Variants in GUCY2C observed in about 807,000 individuals in gnomAD.
The protein encoded by GUCY2C is guanylyl cyclase C.
A neutral mutation model predicts 131.1 loss-of-function variants in GUCY2C; 118 were observed. That is an observed-to-expected ratio of 0.90 (90% CI 0.78 to 1.05). The LOEUF (loss-of-function observed/expected upper bound fraction) is 1.05, where lower values mean the gene tolerates loss of function less well. GUCY2C is among the 50% of genes least tolerant of loss of function. The probability of loss-of-function intolerance (pLI) is 0.00; values close to 1 mark genes in which losing one functional copy is unlikely to be tolerated. For synonymous variants in GUCY2C, 452 were observed against 457.8 expected (o/e 0.99, Z 0.16); for missense variants, 1,161 against 1,304.4 (o/e 0.89, Z 1.69).
At chr12:14,623,468 G>A (rs1946936865) in intron 21 of GUCY2C, among the ~76,000 whole-genome samples, 1 of 152,298 alleles carries the variant, frequency 6.6e-6, no homozygotes, top group South Asian at 2.1e-4. Context: ...CTAGGTACAC[G>A]ACTGGAGTGG....
At chr12:14,614,763 C>T in intron 26 of GUCY2C, 104 bp downstream of exon 26, 1 of 666,298 alleles carries the variant, frequency 1.5e-6, no homozygotes, top group South Asian at 1.8e-5. Flanking sequence ...ACTTCTTATG[C>T]AATATATGCC....
Position 14,621,101 on chromosome 12 carries a change from G to T in GUCY2C, c.2717C>A (p.Thr906Asn), listed in dbSNP as rs775576196. 8.1e-6 allele frequency: 13 copies of T among 1,613,966 alleles called. No individual in the cohort carries two copies. Among genetic ancestry groups the T allele is most frequent in the Non-Finnish European group, 1.0e-5 (12 of 1,179,928 alleles). Residue 906 changes from threonine to asparagine, a missense_variant, in exon 23 of 27, where the codon ACC becomes AAC. Thr to Asn is a moderately conservative substitution (Grantham distance 65, BLOSUM62 0). Transcript: ENST00000261170. ...MALEILSFMG[T>N]FELEHLPGLP... ...GCCAGGAAGATGCTCCAGCTCAAAG[G>T]TCCCCATGAAGCTGAGGATTTCCAA...
chr12:14,625,771 A>G lies in GUCY2C; in HGVS notation c.2394T>C (p.Phe798=). Residue 798 remains phenylalanine (F), a synonymous_variant, in exon 21 of 27, where the codon TTT becomes TTC. Transcript: ENST00000261170. ...AERDRADRLN[F]MLLPRLVVKS... is the part of the protein sequence containing the mutation. ...GCTTGCCTTACCTTGGAAGCAACATAAAGTTAAGTCTGTCAGCCCTGTCCC... is the reference window on the plus strand; with the variant it reads ...GCTTGCCTTACCTTGGAAGCAACATGAAGTTAAGTCTGTCAGCCCTGTCCC... 2 of 1,613,916 alleles carry G rather than the reference A, an allele frequency of 1.2e-6. No individual in the cohort carries two copies. The highest frequency in any genetic ancestry group is 2.2e-5 in the South Asian group (2 of 91,052).
At chr12:14,648,683 T>C (rs1947576830) in intron 15 of GUCY2C, among the ~76,000 whole-genome samples, 2 of 152,242 alleles carry the variant, frequency 1.3e-5, no homozygotes, top group African/African-American at 4.8e-5. Context: ...CAATGTTCTT[T>C]TCCGAATAAA....
chr12:14,640,474 AAAAAAG>A (rs1286126425), intron 18 of GUCY2C, among the ~76,000 whole-genome samples: 5 of 151,680 alleles, frequency 3.3e-5, no homozygotes, highest in African/African-American at 2.4e-5. Context: ...AAAAAAAAAA[AAAAAAG>A]AAAGAAAAGA....
At chr12:14,630,910 T>C (rs1232479384) in intron 19 of GUCY2C, among the ~76,000 whole-genome samples, 1 of 152,150 alleles carries the variant, frequency 6.6e-6, no homozygotes, top group African/African-American at 2.4e-5. Context: ...ATACTCAGAT[T>C]AGAAAAAAAG....
In GUCY2C at chr12:14,614,865, A is replaced by C; in HGVS notation, c.3047+2T>G. On this transcript the variant is annotated splice_donor_variant, in intron 26 of 26. Coordinates refer to ENST00000261170, the MANE Select transcript of GUCY2C (RefSeq NM_004963.4). LOFTEE classifies it high-confidence loss of function. ...CTGTCCCTGCCACACCCAGAAGCTT[A>C]CACAGTAGGAGGGGTTGGCAGGTTG... 6.4e-7 allele frequency: 1 copy of C among 1,571,026 alleles called. No homozygotes were observed. Among genetic ancestry groups the C allele is most frequent in the Non-Finnish European group, 8.6e-7 (1 of 1,156,650 alleles).
chr12:14,670,244 A>G (rs1295666241), intron 9 of GUCY2C, among the ~76,000 whole-genome samples: 1 of 152,238 alleles, frequency 6.6e-6, no homozygotes. Context: ...AAAAGCTCTC[A>G]AGAAAATGCA....
rs1317208121 is a variant in GUCY2C, at chr12:14,641,075, G to C, written c.2068+7C>G. The C allele has an allele frequency of 6.2e-7, 1 of 1,613,044 alleles. No homozygotes were observed. Among genetic ancestry groups the C allele is most frequent in the Non-Finnish European group, 8.5e-7 (1 of 1,179,686 alleles). On this transcript the variant is annotated splice_region_variant and intron_variant, in intron 18 of 26. Transcript: ENST00000261170. ...CAGAGGGGACACATGAATGGGTTTAGATGTACCATTCCGGTCCCGACAGCT... is the reference window on the plus strand; with the variant it reads ...CAGAGGGGACACATGAATGGGTTTACATGTACCATTCCGGTCCCGACAGCT...
chr12:14,652,995 C>T lies in GUCY2C; in HGVS notation c.1490G>A (p.Arg497Gln), dbSNP rs376325095. ...VSLKIDDDKR[R>Q]DTIQRLRQCK... ...CTGTCGTAGTCTCTGGATTGTATCT[C>T]GTCTTTTGTCATCATCGATCTGGCA... The change falls in exon 13 of 27, where the codon CGA becomes CAA. Residue 497 changes from arginine (R) to glutamine (Q), a missense_variant. By Grantham distance (43) the Arg-to-Gln change is conservative (BLOSUM62 1). Transcript: ENST00000261170. The T allele has an allele frequency of 1.6e-5, 26 of 1,611,640 alleles. No homozygotes were observed. In the African/African-American group the frequency reaches 2.7e-4, roughly 17 times the overall value.
At chr12:14,655,645 G>A (rs146221524) in intron 12 of GUCY2C, among the ~76,000 whole-genome samples, 109 of 152,274 alleles carry the variant, frequency 7.2e-4, no homozygotes, top group Admixed American at 2.3e-3. Flanking sequence ...AGGAGTCCAC[G>A]AATTCCCATC....
rs1364592082 is a variant in GUCY2C, at chr12:14,675,222, AAAAAAAAG to A, written c.949-470_949-463del. Among the ~76,000 whole-genome samples the A allele has an allele frequency of 1.3e-3, 189 of 145,950 alleles. 1 individual carries two copies. Among genetic ancestry groups the A allele is most frequent in the African/African-American group, 4.6e-3 (184 of 39,628 alleles). Reference sequence around the variant, plus strand: ...AACTCCATCTCAAAAAAAAAAAAAAAAAAAAAAGAAAAAAAGAAAGAAAGAAAGAAAAA... The same window carrying A: ...AACTCCATCTCAAAAAAAAAAAAAAAAAAAAAAGAAAGAAAGAAAGAAAAA... On this transcript the variant is annotated intron_variant, in intron 7 of 26. Transcript: ENST00000261170.
At chr12:14,624,932 C>T (rs1463811247) in intron 21 of GUCY2C, among the ~76,000 whole-genome samples, 1 of 152,170 alleles carries the variant, frequency 6.6e-6, no homozygotes, top group Non-Finnish European at 1.5e-5. Flanking sequence ...CACAACTCAG[C>T]ATTAAAGATC....
intron 15 of GUCY2C, among the ~76,000 whole-genome samples, chr12:14,645,839 T>G (rs549391914): frequency 2.7e-5 from 4 of 147,958 alleles, no homozygotes; most frequent in South Asian, 2.1e-4. Context: ...TTTTTTTTTG[T>G]TTTGTTTTGT....
At chr12:14,675,321 A>G (rs138869769) in intron 7 of GUCY2C, among the ~76,000 whole-genome samples, 18 of 152,016 alleles carry the variant, frequency 1.2e-4, no homozygotes, top group Admixed American at 3.9e-4. Context: ...CTTGGAATCA[A>G]TAAAATGAGG....
intron 17 of GUCY2C, among the ~76,000 whole-genome samples, chr12:14,642,702 A>C (rs1467143414): frequency 6.6e-6 from 1 of 152,182 alleles, no homozygotes; most frequent in Non-Finnish European, 1.5e-5. Context: ...CCTGTAATTT[A>C]TCTGATTTGT....
rs139261211 is a variant in GUCY2C at position 14,626,642 on chromosome 12, G to A, written c.2250-727C>T. ...TAATCTAAATGTATAACAAAAGTGT[G>A]GTTAAAATATGATGGGACAATGGAA... On this transcript the variant is annotated intron_variant, in intron 20 of 26. Coordinates refer to ENST00000261170, the MANE Select transcript of GUCY2C (RefSeq NM_004963.4). Among the ~76,000 whole-genome samples, 694 of 152,138 alleles carry A rather than the reference G, an allele frequency of 4.6e-3. 18 individuals carry two copies. Among genetic ancestry groups the A allele is most frequent in the Non-Finnish European group, 1.2e-3 (83 of 68,012 alleles).
At chr12:14,646,322 A>C (rs1947522874) in intron 15 of GUCY2C, among the ~76,000 whole-genome samples, 1 of 152,212 alleles carries the variant, frequency 6.6e-6, no homozygotes, top group South Asian at 2.1e-4. Context: ...CAGGCACTGT[A>C]CTAAGAATTT....
chr12:14,653,535 C>A (rs997503897), intron 12 of GUCY2C, among the ~76,000 whole-genome samples: 3 of 152,224 alleles, frequency 2.0e-5, no homozygotes, highest in African/African-American at 7.2e-5. Flanking sequence ...TATGCTATCT[C>A]GTGACATTTG....
Sources: gnomAD v4.1 joint callset for allele counts (sites outside exome capture counted in the v4.1 genomes callset) on GRCh38, gnomAD v4.1.1 for gene constraint, MANE v1.5 for transcripts, NCBI Gene and HGNC (gene_info 2026-07-23, HGNC 2026-07-21) for gene names.